NME6: variants seen among roughly 807,000 people sequenced by gnomAD.
NME6 encodes NME/NM23 nucleoside diphosphate kinase 6.
NME6 carries 16 observed loss-of-function variants against 22.2 expected under a neutral mutation model. The ratio of observed to expected loss-of-function variants is 0.72; its 90% CI spans 0.49 to 1.09. The LOEUF is 1.09. Among genes scored for constraint, NME6 ranks in the 50% least tolerant of loss-of-function variants. The pLI, the probability that NME6 is intolerant of heterozygous loss-of-function variation, is 0.00. For missense variants in NME6, 229 were observed against 239.0 expected (o/e 0.96, Z 0.28); for synonymous variants, 58 against 85.2 (o/e 0.68, Z 1.76).
At chr3:48,300,941 G>A (rs537716568) in intron 1 of NME6, among the ~76,000 whole-genome samples, 3 of 152,224 alleles carry the variant, frequency 2.0e-5, no homozygotes, top group Non-Finnish European at 2.9e-5. Flanking sequence ...ACAGCTACTA[G>A]GGAGGCTGAG....
chr3:48,287,834 A>G (rs918576268), downstream of NME6, among the ~76,000 whole-genome samples: 1 of 152,286 alleles, frequency 6.6e-6, no homozygotes, highest in African/African-American at 2.4e-5. Flanking sequence ...AGGTGGCTCA[A>G]TGTGGTCTTG....
At chr3:48,291,527 C>T (rs112008705), downstream of NME6, 253 of 185,712 alleles carry the variant, frequency 1.4e-3, 1 homozygote, top group Admixed American at 4.4e-3. Flanking sequence ...CACAAGCATG[C>T]ACCACCACAC....
At chr3:48,296,909 G>T in intron 2 of NME6, 80 bp from the exon 3 acceptor site, 1 of 1,062,416 alleles carries the variant, frequency 9.4e-7, no homozygotes, top group Non-Finnish European at 1.4e-6. Flanking sequence ...ACCACTTGTT[G>T]CTCAGGACCT....
In NME6 at chr3:48,296,816, T is replaced by C; in HGVS notation, c.104A>G (p.Gln35Arg). 6.2e-7 allele frequency: 1 copy of C among 1,612,916 alleles called. No homozygotes were observed. The highest frequency in any genetic ancestry group is 8.5e-7 in the Non-Finnish European group (1 of 1,179,300). ...HPLILEAVHQ[Q>R]ILSNKFLIVR... ...AATCAGGAACTTGTTGCTTAGAATC[T>C]GCTGATGAACAGCCTGAATAAAGAC... is the stretch of plus-strand genomic sequence containing the variant. The change falls in exon 3 of 6, where the codon CAG (glutamine) becomes CGG (arginine). Residue 35 changes from glutamine to arginine, a missense_variant. Gln to Arg is a conservative substitution (Grantham distance 43). Coordinates refer to ENST00000442597, the MANE Select transcript of NME6 (RefSeq NM_001308426.2).
chr3:48,298,551 C>G, intron 1 of NME6, 28 bp from the exon 2 acceptor site: 2 of 1,530,886 alleles, frequency 1.3e-6, no homozygotes, highest in Non-Finnish European at 1.8e-6. Flanking sequence ...TATTAGGAAC[C>G]CTTCAGGACG....
intron 1 of NME6, among the ~76,000 whole-genome samples, chr3:48,299,951 C>G (rs1366614702): frequency 6.6e-6 from 1 of 152,150 alleles, no homozygotes; most frequent in Non-Finnish European, 1.5e-5. Flanking sequence ...TCTTCATATC[C>G]ACACGATCAC....
chr3:48,295,358 T>A, intron 4 of NME6, 123 bp from the exon 5 acceptor site: 1 of 1,098,864 alleles, frequency 9.1e-7, no homozygotes, highest in Non-Finnish European at 1.3e-6. Flanking sequence ...TCCAGCTGAG[T>A]ACCAATGCTG....
intron 1 of NME6, 110 bp from the exon 2 acceptor site, chr3:48,298,633 C>T (rs1371729430): frequency 1.5e-6 from 1 of 683,508 alleles, no homozygotes; most frequent in African/African-American, 1.8e-5. Context: ...TCCTGACACT[C>T]ATAAAGAACC....
At position 48,296,723 on chromosome 3, in the gene NME6, C is replaced by G; in HGVS notation, c.193+4G>C. On this transcript the variant is annotated splice_donor_region_variant and intron_variant, in intron 3 of 5. Transcript: ENST00000442597. ...CCTTCCATTCAGAGGACTACTGATCCTACCTTCATGCTCTCGGTAAAACCT... is the reference window on the plus strand; with the variant it reads ...CCTTCCATTCAGAGGACTACTGATCGTACCTTCATGCTCTCGGTAAAACCT... The G allele has an allele frequency of 6.2e-7, 1 of 1,606,090 alleles. No homozygotes were observed. Among genetic ancestry groups the G allele is most frequent in the Non-Finnish European group, 8.5e-7 (1 of 1,174,074 alleles).
downstream of NME6, chr3:48,291,400 TAA>T (rs904575502): frequency 2.5e-6 from 1 of 393,534 alleles, no homozygotes; most frequent in Non-Finnish European, 5.0e-6. Context: ...CTTATTTTTT[TAA>T]GACAGGGTCT....
At chr3:48,295,734 A>G in intron 4 of NME6, 1 of 229,554 alleles carries the variant, frequency 4.4e-6, no homozygotes, top group Non-Finnish European at 8.4e-6. Flanking sequence ...GTTGTTTTTG[A>G]GACGAAGTTT....
chr3:48,298,555 C>T (rs13085251), intron 1 of NME6, 32 bp from the exon 2 acceptor site: 432,207 of 1,514,032 alleles, frequency 0.29, 65,065 homozygotes, highest in South Asian at 0.32. Context: ...AGGAACCCTT[C>T]AGGACGGCAC....
At chr3:48,292,033 G>C (rs1424225501), downstream of NME6, 1 of 152,264 alleles carries the variant, frequency 6.6e-6, no homozygotes, top group East Asian at 1.9e-4. Flanking sequence ...CCAAAGTGCT[G>C]GGATTACAGG....
Position 48,298,328 on chromosome 3 carries a change from G to C in NME6, c.90+99C>G, listed in dbSNP as rs150009305. Reference sequence around the variant, plus strand: ...TCTAGCTTTGCCTCCACAGCATCCAGCACAAGTCTGTGTTGTCAGTCACCA... The same window carrying C: ...TCTAGCTTTGCCTCCACAGCATCCACCACAAGTCTGTGTTGTCAGTCACCA... On this transcript the variant is annotated intron_variant, in intron 2 of 5. Coordinates refer to ENST00000442597, the MANE Select transcript of NME6 (RefSeq NM_001308426.2). The C allele has an allele frequency of 4.4e-3, 4,575 of 1,046,150 alleles. 27 individuals carry two copies. Among genetic ancestry groups the C allele is most frequent in the Non-Finnish European group, 5.8e-3 (3,923 of 677,770 alleles). The allele number at this position is 1,046,150 out of a possible 1,614,324, so 64.8% of individuals were successfully genotyped here. A position where few individuals can be genotyped will look rare whatever the true frequency, so the allele number is the denominator to read the frequency against.
chr3:48,294,570 G>T lies in NME6; in HGVS notation c.*67C>A. 1 of 1,554,742 alleles carries T rather than the reference G, an allele frequency of 6.4e-7. No individual in the cohort carries two copies. On this transcript the variant is annotated 3_prime_UTR_variant, in exon 6 of 6. Coordinates refer to ENST00000442597, the MANE Select transcript of NME6 (RefSeq NM_001308426.2). The stretch of plus-strand genomic sequence containing the variant: ...TGTAAGCCAGGCTTCCCTGGTCCTA[G>T]GAGAATGTTTTAGACTAGATGTCTA...
chr3:48,290,233 AATTTT>A (rs2034360567), downstream of NME6, among the ~76,000 whole-genome samples: 1 of 151,568 alleles, frequency 6.6e-6, no homozygotes, highest in South Asian at 2.1e-4. Flanking sequence ...TTTTATTTTA[AATTTT>A]ATTTTATTAA....
chr3:48,300,294 G>A (rs1316708730), intron 1 of NME6: 1 of 456,736 alleles, frequency 2.2e-6, no homozygotes, highest in East Asian at 6.9e-5. Context: ...GCCTCATCTG[G>A]AACCCCACAC....
At chr3:48,296,659 C>T in intron 3 of NME6, 68 bp downstream of exon 3, 2 of 1,081,984 alleles carry the variant, frequency 1.8e-6, no homozygotes, top group South Asian at 1.4e-5. Context: ...CATTGTGTTC[C>T]AGGTAAAATC....
At chr3:48,300,195 G>A (rs1477141393) in intron 1 of NME6, 1 of 456,012 alleles carries the variant, frequency 2.2e-6, no homozygotes, top group Non-Finnish European at 4.4e-6. Context: ...ACCCTTTAAA[G>A]GGCACCCTGT....
Sources: gnomAD v4.1 joint callset for allele counts (sites outside exome capture counted in the v4.1 genomes callset) on GRCh38, gnomAD v4.1.1 for gene constraint, MANE v1.5 for transcripts, NCBI Gene and HGNC (gene_info 2026-07-23, HGNC 2026-07-21) for gene names.